TTC29: variants seen among roughly 807,000 people sequenced by gnomAD.
TTC29 encodes tetratricopeptide repeat protein 29.
In TTC29, 49 loss-of-function variants were observed where a neutral mutation model predicts 58.1. The observed-to-expected ratio is 0.84, with a 90% CI of 0.67 to 1.07. TTC29 has a LOEUF of 1.07. Among genes scored for constraint, TTC29 ranks in the 50% least tolerant of loss-of-function variants. TTC29 has a pLI of 0.00. For synonymous variants in TTC29, 209 were observed against 196.8 expected (o/e 1.06, Z -0.52); for missense variants, 582 against 555.6 (o/e 1.05, Z -0.48).
At chr4:146,855,346 T>C (rs1297096820) in intron 8 of TTC29, among the ~76,000 whole-genome samples, 2 of 152,156 alleles carry the variant, frequency 1.3e-5, no homozygotes, top group Non-Finnish European at 2.9e-5. Context: ...GGAAGGAGAC[T>C]AGCTTGAACC....
chr4:146,723,689 C>T, intron 11 of TTC29, among the ~76,000 whole-genome samples: 1 of 152,172 alleles, frequency 6.6e-6, no homozygotes, highest in East Asian at 1.9e-4. Context: ...GATACCATCT[C>T]ACACCAGTCA....
intron 1 of TTC29, chr4:146,945,353 G>A (rs945215896): frequency 6.6e-6 from 1 of 152,118 alleles, no homozygotes; most frequent in African/African-American, 2.4e-5. Context: ...ATAACCATTT[G>A]TTCTCTCAAA....
chr4:146,906,894 G>T (rs551662040), intron 5 of TTC29, among the ~76,000 whole-genome samples: 2 of 152,178 alleles, frequency 1.3e-5, no homozygotes, highest in Non-Finnish European at 2.9e-5. Context: ...GACCAAGGTA[G>T]GAGAATCACT....
intron 10 of TTC29, among the ~76,000 whole-genome samples, chr4:146,818,124 A>C (rs1751547407): frequency 6.6e-6 from 1 of 152,254 alleles, no homozygotes; most frequent in Non-Finnish European, 1.5e-5. Context: ...AGAAAAAGAA[A>C]CTACCATCAG....
chr4:146,895,338 T>C (rs1042240274), intron 6 of TTC29, among the ~76,000 whole-genome samples: 1 of 152,122 alleles, frequency 6.6e-6, no homozygotes, highest in Non-Finnish European at 1.5e-5. Flanking sequence ...AATCCCAAGA[T>C]CCATGACAAG....
intron 9 of TTC29, 116 bp downstream of exon 9, chr4:146,833,690 G>C: frequency 2.6e-6 from 2 of 762,380 alleles, no homozygotes; most frequent in Non-Finnish European, 4.6e-6. Context: ...ACTTAAGAAG[G>C]GCACTGCTTA....
At chr4:146,875,728 T>C (rs186366067) in intron 6 of TTC29, among the ~76,000 whole-genome samples, 1 of 152,236 alleles carries the variant, frequency 6.6e-6, no homozygotes, top group Non-Finnish European at 1.5e-5. Context: ...TTGTATATGC[T>C]GTTTAGTTTT....
chr4:146,934,150 A>C (rs1271229127), intron 4 of TTC29: 1 of 152,360 alleles, frequency 6.6e-6, no homozygotes, highest in Non-Finnish European at 1.5e-5. Context: ...TTTTCAAAAG[A>C]CCACTCTAGC....
intron 8 of TTC29, among the ~76,000 whole-genome samples, chr4:146,842,442 T>A (rs1422910192): frequency 6.6e-6 from 1 of 152,076 alleles, no homozygotes; most frequent in Non-Finnish European, 1.5e-5. Context: ...CACAGACTTA[T>A]AGAGAGTCAT....
At chr4:146,775,697 T>A (rs773137222) in intron 11 of TTC29, among the ~76,000 whole-genome samples, 1 of 152,170 alleles carries the variant, frequency 6.6e-6, no homozygotes, top group African/African-American at 2.4e-5. Context: ...TTTTCTTTCA[T>A]TTTGACCTTG....
At chr4:146,934,588 G>A (rs1384219781) in intron 4 of TTC29, among the ~76,000 whole-genome samples, 1 of 152,152 alleles carries the variant, frequency 6.6e-6, no homozygotes. Context: ...AATGTTTAAA[G>A]CTGTAAGACT....
At chr4:146,760,078 A>G (rs1432655955) in intron 11 of TTC29, among the ~76,000 whole-genome samples, 1 of 152,192 alleles carries the variant, frequency 6.6e-6, no homozygotes, top group Non-Finnish European at 1.5e-5. Flanking sequence ...GATAAAAAGA[A>G]TTCAGCAAAG....
At chr4:146,945,136 G>C (rs977621236) in intron 1 of TTC29, 59 bp from the exon 2 acceptor site, 1 of 152,112 alleles carries the variant, frequency 6.6e-6, no homozygotes, top group African/African-American at 2.4e-5. Flanking sequence ...TCATTCAGTA[G>C]TGTAACTCCT....
chr4:146,818,846 A>G (rs1366222505), intron 10 of TTC29, among the ~76,000 whole-genome samples: 1 of 151,556 alleles, frequency 6.6e-6, no homozygotes, highest in African/African-American at 2.4e-5. Context: ...AAAAAACCAA[A>G]CACCGCATGT....
intron 8 of TTC29, among the ~76,000 whole-genome samples, chr4:146,844,075 A>C (rs1378975981): frequency 6.6e-6 from 1 of 152,222 alleles, no homozygotes; most frequent in Non-Finnish European, 1.5e-5. Flanking sequence ...GATGAAAATC[A>C]AGATTAGCCT....
chr4:146,707,619 C>T (rs1477409343), intron 11 of TTC29, 68 bp from the exon 12 acceptor site: 6 of 1,132,888 alleles, frequency 5.3e-6, no homozygotes, highest in African/African-American at 1.6e-5. Context: ...TGATCTTGAA[C>T]CTGGGAATCC....
chr4:146,738,466 A>G (rs1001081250), intron 11 of TTC29, among the ~76,000 whole-genome samples: 2 of 152,156 alleles, frequency 1.3e-5, no homozygotes, highest in South Asian at 2.1e-4. Flanking sequence ...AGAGACATCC[A>G]TATAGTATGA....
intron 5 of TTC29, among the ~76,000 whole-genome samples, chr4:146,908,689 C>A (rs571192177): frequency 2.0e-5 from 3 of 152,128 alleles, no homozygotes; most frequent in South Asian, 2.1e-4. Flanking sequence ...CTATGAAAGT[C>A]AATATTCAGA....
chr4:146,797,860 A>ATG, intron 11 of TTC29, among the ~76,000 whole-genome samples: 1 of 136,624 alleles, frequency 7.3e-6, no homozygotes, highest in South Asian at 2.3e-4. Context: ...ATATATATAT[A>ATG]TTCGTTCTCT....
Sources: allele counts gnomAD v4.1 joint callset (sites outside exome capture counted in the v4.1 genomes callset), GRCh38; gene constraint gnomAD v4.1.1; transcripts MANE v1.5; gene names NCBI Gene and HGNC (gene_info 2026-07-23, HGNC 2026-07-21).